SLCO3A1: variants seen among roughly 807,000 people sequenced by gnomAD.
The protein encoded by SLCO3A1 is PGE1 transporter.
A neutral mutation model predicts 63.1 loss-of-function variants in SLCO3A1; 27 were observed. That is an observed-to-expected ratio of 0.43 (90% CI 0.32 to 0.59). The LOEUF is 0.59. Among genes scored for constraint, SLCO3A1 ranks in the 20% least tolerant of loss-of-function variants. The pLI is 0.09. For missense variants in SLCO3A1, 773 were observed against 945.8 expected, an observed-to-expected ratio of 0.82 and a Z score of 2.40; for synonymous variants, 473 against 409.9, an observed-to-expected ratio of 1.15 and a Z score of -1.86.
rs1327986780 is a variant in SLCO3A1, at chr15:91,940,284, C to T, written c.646+23826C>T. On this transcript the variant is annotated intron_variant, in intron 2 of 9. Transcript: ENST00000318445. ...GTCCTGATACCTGCCCTTTCTGATA[C>T]ACGTGCAATCCAATAGATGACAATG... Among the ~76,000 whole-genome samples, 14 of 152,206 alleles carry T rather than the reference C, an allele frequency of 9.2e-5. No individual in the cohort carries two copies. In the South Asian group the frequency reaches 1.2e-3, roughly 14 times the overall value.
chr15:91,970,140 A>G lies in SLCO3A1; in HGVS notation c.646+53682A>G, dbSNP rs111874385. On this transcript the variant is annotated intron_variant, in intron 2 of 9. Transcript: ENST00000318445. ...CTTAAAACTAAAAAGAGGCATTGAAATACAGTACCTTCTCCCCACGCTGTT... is the reference window on the plus strand; with the variant it reads ...CTTAAAACTAAAAAGAGGCATTGAAGTACAGTACCTTCTCCCCACGCTGTT... 3.7e-3 allele frequency among the ~76,000 whole-genome samples: 557 copies of G among 152,382 alleles called. 3 individuals are homozygous for G. The highest frequency in any genetic ancestry group is 0.013 in the African/African-American group (531 of 41,598).
intron 5 of SLCO3A1, among the ~76,000 whole-genome samples, chr15:92,125,700 G>C (rs1052254083): frequency 4.6e-5 from 7 of 151,788 alleles, no homozygotes; most frequent in African/African-American, 1.5e-4. Flanking sequence ...GCACATCACT[G>C]CTCCGTGATA....
At chr15:92,070,278 T>G (rs1157995922) in intron 2 of SLCO3A1, among the ~76,000 whole-genome samples, 2 of 152,236 alleles carry the variant, frequency 1.3e-5, no homozygotes, top group African/African-American at 4.8e-5. Context: ...CTTGTACAAT[T>G]ATTGCTAAAT....
At chr15:91,955,983 G>A (rs1042586069) in intron 2 of SLCO3A1, among the ~76,000 whole-genome samples, 1 of 152,110 alleles carries the variant, frequency 6.6e-6, no homozygotes, top group Non-Finnish European at 1.5e-5. Context: ...GTTATTAAAA[G>A]CAAAAGCCTC....
chr15:91,915,876 G>C (rs1409604374), intron 1 of SLCO3A1, 117 bp from the exon 2 acceptor site: 1 of 812,516 alleles, frequency 1.2e-6, no homozygotes, highest in African/African-American at 1.8e-5. Flanking sequence ...ACCTGGCACC[G>C]GAGGCCAGGT....
chr15:92,125,969 C>T (rs1431441843), intron 5 of SLCO3A1, 92 bp from the exon 6 acceptor site: 1 of 1,076,272 alleles, frequency 9.3e-7, no homozygotes, highest in African/African-American at 1.6e-5. Flanking sequence ...ATAGGGCATT[C>T]ACGGGACTCA....
At chr15:92,074,184 G>A (rs936266195) in intron 2 of SLCO3A1, among the ~76,000 whole-genome samples, 1 of 152,132 alleles carries the variant, frequency 6.6e-6, no homozygotes, top group African/African-American at 2.4e-5. Context: ...AAAATAAAGA[G>A]AACCTATCTT....
intron 2 of SLCO3A1, among the ~76,000 whole-genome samples, chr15:92,014,451 T>A (rs2046403298): frequency 1.3e-5 from 2 of 152,206 alleles, no homozygotes; most frequent in South Asian, 4.1e-4. Flanking sequence ...ACAGTCATAA[T>A]TTATTGCTAT....
chr15:92,065,627 C>G (rs1946043965), intron 2 of SLCO3A1, among the ~76,000 whole-genome samples: 1 of 152,150 alleles, frequency 6.6e-6, no homozygotes, highest in South Asian at 2.1e-4. Context: ...TCCCAAGTGG[C>G]CCCTATTTCC....
chr15:92,053,903 C>G lies in SLCO3A1; in HGVS notation c.647-40978C>G, dbSNP rs144663086. ...CTTTTCCTCTTTGTCTGCTGTTTGG[C>G]AGGAAGTCACGGTGTGCAGCCCACA... On this transcript the variant is annotated intron_variant, in intron 2 of 9. Transcript: ENST00000318445. Among the ~76,000 whole-genome samples, 294 of 152,120 alleles carry G rather than the reference C, an allele frequency of 1.9e-3. 2 individuals are homozygous for G. Among genetic ancestry groups the G allele is most frequent in the African/African-American group, 6.7e-3 (277 of 41,500 alleles).
At chr15:91,982,423 G>T (rs1481261891) in intron 2 of SLCO3A1, among the ~76,000 whole-genome samples, 1 of 152,250 alleles carries the variant, frequency 6.6e-6, no homozygotes, top group Non-Finnish European at 1.5e-5. Context: ...GCTAATTAAA[G>T]ATTCCTTTAA....
At chr15:91,917,447 G>C (rs1450966340) in intron 2 of SLCO3A1, among the ~76,000 whole-genome samples, 2 of 152,218 alleles carry the variant, frequency 1.3e-5, no homozygotes, top group Non-Finnish European at 2.9e-5. Flanking sequence ...AGGATGGTTT[G>C]GAAGCAGGAC....
At chr15:92,084,930 G>A (rs567982419) in intron 2 of SLCO3A1, among the ~76,000 whole-genome samples, 22 of 152,370 alleles carry the variant, frequency 1.4e-4, no homozygotes, top group Non-Finnish European at 2.5e-4. Context: ...CAGGCGGAAG[G>A]AGGGAGAACA....
chr15:91,928,207 G>C (rs1350764262), intron 2 of SLCO3A1, among the ~76,000 whole-genome samples: 1 of 152,238 alleles, frequency 6.6e-6, no homozygotes. Flanking sequence ...AAGCACAGGT[G>C]AGTTTGAATA....
intron 9 of SLCO3A1, among the ~76,000 whole-genome samples, chr15:92,157,924 A>C (rs1021741053): frequency 2.0e-5 from 3 of 152,200 alleles, no homozygotes; most frequent in Admixed American, 6.5e-5. Context: ...TGAATCACAC[A>C]GTTCCCAAGT....
rs147157248 is a variant in SLCO3A1, at chr15:91,861,368, A to T, written c.180+7280A>T. 2.0e-3 allele frequency among the ~76,000 whole-genome samples: 310 copies of T among 152,204 alleles called. 2 individuals carry two copies. The highest frequency in any genetic ancestry group is 7.1e-3 in the African/African-American group (293 of 41,526). Reference sequence around the variant, plus strand: ...GCAGTTGGTGACTCCCAACTTCTTTATTTCGGTTCTTCTTTGTGGTTTTGA... The same window carrying T: ...GCAGTTGGTGACTCCCAACTTCTTTTTTTCGGTTCTTCTTTGTGGTTTTGA... On this transcript the variant is annotated intron_variant, in intron 1 of 9. Coordinates refer to ENST00000318445, the MANE Select transcript of SLCO3A1 (RefSeq NM_013272.4).
chr15:92,150,739 C>T (rs1405118038), intron 8 of SLCO3A1, among the ~76,000 whole-genome samples: 1 of 151,612 alleles, frequency 6.6e-6, no homozygotes, highest in Non-Finnish European at 1.5e-5. Context: ...TGTTAAATTC[C>T]TAAACTTATC....
intron 2 of SLCO3A1, among the ~76,000 whole-genome samples, chr15:91,971,022 C>G (rs1321381381): frequency 2.0e-5 from 3 of 152,150 alleles, no homozygotes; most frequent in African/African-American, 7.2e-5. Flanking sequence ...CAAATCAATA[C>G]TCACGGCACC....
chr15:92,159,476 T>C (rs1184078585), intron 9 of SLCO3A1, among the ~76,000 whole-genome samples: 16 of 146,980 alleles, frequency 1.1e-4, no homozygotes, highest in African/African-American at 3.3e-4. Flanking sequence ...AGAACGAAAC[T>C]CTGTCTCAAA....
Sources: allele counts gnomAD v4.1 joint callset (sites outside exome capture counted in the v4.1 genomes callset), GRCh38; gene constraint gnomAD v4.1.1; transcripts MANE v1.5; gene names NCBI Gene and HGNC (gene_info 2026-07-23, HGNC 2026-07-21).